Variants in MYPN observed in about 807,000 individuals in gnomAD.
MYPN encodes the protein sarcomeric protein myopalladin, 145 kDa (MYOP).
Under a neutral mutation model 129.4 loss-of-function variants are expected in MYPN, and 63 were observed. That is an observed-to-expected ratio of 0.49 (90% CI 0.40 to 0.60). The LOEUF (loss-of-function observed/expected upper bound fraction) is 0.60, where lower values mean the gene tolerates loss of function less well. MYPN is among the 20% of genes least tolerant of loss of function. The pLI, the probability that MYPN is intolerant of heterozygous loss-of-function variation, is 0.00. For missense variants in MYPN, 1,596 were observed against 1,635.4 expected (o/e 0.98, Z 0.42); for synonymous variants, 629 against 600.9 (o/e 1.05, Z -0.68).
At chr10:68,207,022 C>A in intron 19 of MYPN, 119 bp downstream of exon 19, 2 of 1,270,528 alleles carry the variant, frequency 1.6e-6, no homozygotes, top group Non-Finnish European at 2.2e-6. Flanking sequence ...CTTTGGGAGG[C>A]CGAGGCAGGC....
At chr10:68,096,926 T>C (rs2041959739) in intron 1 of MYPN, among the ~76,000 whole-genome samples, 1 of 152,224 alleles carries the variant, frequency 6.6e-6, no homozygotes, top group Non-Finnish European at 1.5e-5. Flanking sequence ...CGCTCAATTA[T>C]TATTTTCCTA....
At chr10:68,146,707 C>G (rs868482111) in intron 4 of MYPN, among the ~76,000 whole-genome samples, 1 of 152,294 alleles carries the variant, frequency 6.6e-6, no homozygotes. Flanking sequence ...ATGTTGCCCT[C>G]GTCTTCTTAG....
rs149308470 is a variant in MYPN at position 68,153,158 on chromosome 10, G to A, written c.1317+3047G>A. Among the ~76,000 whole-genome samples the A allele has an allele frequency of 1.3e-3, 191 of 151,776 alleles. 4 individuals are homozygous for A. The highest frequency in any genetic ancestry group is 6.9e-3 in the Admixed American group (105 of 15,246). On this transcript the variant is annotated intron_variant, in intron 6 of 19. Transcript: ENST00000358913. ...GCACCACCATGCCTGGCTAATTTTT[G>A]TGTTTTTAGTAGAGACGGGGTTTCA... is the stretch of plus-strand genomic sequence containing the variant.
chr10:68,099,068 T>C (rs941259743), intron 1 of MYPN, among the ~76,000 whole-genome samples: 2 of 152,208 alleles, frequency 1.3e-5, no homozygotes, highest in Non-Finnish European at 2.9e-5. Flanking sequence ...AAATAATCTA[T>C]AACCACCTTT....
In MYPN at chr10:68,136,615, C is replaced by T. The variant is rs1248255863; in HGVS notation, c.903-6325C>T. 3.3e-6 allele frequency: 5 copies of T among 1,525,528 alleles called. No homozygotes were observed. In the African/African-American group the frequency reaches 4.1e-5, roughly 13 times the overall value. 94.5% of individuals were successfully genotyped at this position (1,525,528 alleles called of 1,614,324 possible). A position where few individuals can be genotyped will look rare whatever the true frequency, so the allele number is the denominator to read the frequency against. On this transcript the variant is annotated intron_variant, in intron 2 of 19. Transcript: ENST00000358913. ...GTTTTTTTAGGCCTGCTGAGGCCAT[C>T]CTGGCCATCTGAGTAAGGACAAAAA...
At chr10:68,168,918 AG>A (rs2043095526) in intron 10 of MYPN, among the ~76,000 whole-genome samples, 1 of 148,514 alleles carries the variant, frequency 6.7e-6, no homozygotes, top group Non-Finnish European at 1.5e-5. Context: ...GCTTGAACCC[AG>A]GCACAGAGGT....
At chr10:68,142,899 C>G (rs2042599126) in intron 2 of MYPN, 41 bp from the exon 3 acceptor site, 2 of 1,585,714 alleles carry the variant, frequency 1.3e-6, no homozygotes, top group African/African-American at 2.7e-5. Context: ...TATTGTCTTG[C>G]ATTTGAGTCA....
intron 1 of MYPN, among the ~76,000 whole-genome samples, chr10:68,117,261 A>G (rs2042171601): frequency 6.7e-6 from 1 of 149,802 alleles, no homozygotes; most frequent in Non-Finnish European, 1.5e-5. Context: ...TAGTAGAGTT[A>G]GCAGAAAATT....
At chr10:68,154,659 A>T (rs997416883) in intron 6 of MYPN, among the ~76,000 whole-genome samples, 3 of 152,224 alleles carry the variant, frequency 2.0e-5, no homozygotes, top group Admixed American at 1.3e-4. Context: ...GCATCTTCCA[A>T]GGTGCAAAAT....
intron 16 of MYPN, among the ~76,000 whole-genome samples, chr10:68,197,770 C>T (rs1051165745): frequency 6.6e-6 from 1 of 152,034 alleles, no homozygotes; most frequent in African/African-American, 2.4e-5. Flanking sequence ...AGTAGTTCCC[C>T]CTTATCTGAG....
intron 12 of MYPN, among the ~76,000 whole-genome samples, chr10:68,178,667 C>G (rs1027710759): frequency 1.4e-5 from 2 of 145,094 alleles, no homozygotes; most frequent in Admixed American, 1.4e-4. Context: ...GAGCCGAGAT[C>G]ATGCCATTGA....
Position 68,194,143 on chromosome 10 carries a change from A to T in MYPN, c.2926-220A>T, listed in dbSNP as rs181236084. On this transcript the variant is annotated intron_variant, in intron 13 of 19. Coordinates refer to ENST00000358913, the MANE Select transcript of MYPN (RefSeq NM_032578.4). ...CTAAATTATATTGGATTCTTGACTT[A>T]AATAATATAATATTTAATATTAAAT... 6.6e-5 allele frequency among the ~76,000 whole-genome samples: 10 copies of T among 152,236 alleles called. No individual in the cohort carries two copies. The East Asian group carries it at 1.3e-3, about 21-fold the overall frequency.
chr10:68,123,933 C>A (rs2042289196), intron 2 of MYPN, among the ~76,000 whole-genome samples: 1 of 151,956 alleles, frequency 6.6e-6, no homozygotes, highest in African/African-American at 2.4e-5. Context: ...TGGGCTGAGG[C>A]TAAAGTCAAT....
rs965543130 is a variant in MYPN at position 68,122,288 on chromosome 10, A to G, written c.850A>G (p.Thr284Ala). The G allele has an allele frequency of 6.2e-7, 1 of 1,613,826 alleles. No individual in the cohort carries two copies. Among genetic ancestry groups the G allele is most frequent in the Non-Finnish European group, 8.5e-7 (1 of 1,179,944 alleles). The change falls in exon 2 of 20, where the codon ACT (threonine) becomes GCT (alanine). Residue 284 changes from threonine (T) to alanine (A), a missense_variant. Thr to Ala is a moderately conservative substitution (Grantham distance 58, BLOSUM62 0). Transcript: ENST00000358913. Reference sequence around the variant, plus strand: ...ACGGAGCAGAGAAGTTCCAGAAGGAACTCGAGTACAGTTGGATTGCATAGT... The same window carrying G: ...ACGGAGCAGAGAAGTTCCAGAAGGAGCTCGAGTACAGTTGGATTGCATAGT... ...KLRSREVPEGTRVQLDCIVVG... is the reference protein window; with the variant it reads ...KLRSREVPEGARVQLDCIVVG...
intron 13 of MYPN, among the ~76,000 whole-genome samples, chr10:68,190,090 G>A (rs1261637184): frequency 6.6e-6 from 1 of 151,926 alleles, no homozygotes; most frequent in African/African-American, 2.4e-5. Flanking sequence ...ATTTCTTGGG[G>A]TTTGATTTGC....
intron 12 of MYPN, among the ~76,000 whole-genome samples, chr10:68,182,225 ACATATATATATAACATATATATAAC>A (rs2043324789): frequency 1.2e-5 from 1 of 84,798 alleles, no homozygotes; most frequent in Non-Finnish European, 2.5e-5. Flanking sequence ...TATATATAAC[ACATATATATATAACATATATATAAC>A]ACACATATAT....
At chr10:68,116,206 A>G (rs1333710970) in intron 1 of MYPN, among the ~76,000 whole-genome samples, 2 of 152,196 alleles carry the variant, frequency 1.3e-5, no homozygotes, top group African/African-American at 2.4e-5. Flanking sequence ...AAGAGCACTT[A>G]TGATTTTTTT....
At chr10:68,130,920 T>C (rs539117069) in intron 2 of MYPN, among the ~76,000 whole-genome samples, 1 of 152,356 alleles carries the variant, frequency 6.6e-6, no homozygotes, top group South Asian at 2.1e-4. Flanking sequence ...TGTCAGCTCA[T>C]CATAAATTGA....
At chr10:68,119,004 T>TC (rs1364406360) in intron 1 of MYPN, among the ~76,000 whole-genome samples, 2 of 151,408 alleles carry the variant, frequency 1.3e-5, no homozygotes, top group African/African-American at 2.4e-5. Context: ...GCACTTAATT[T>TC]CCCCCCCATC....
Sources: allele counts gnomAD v4.1 joint callset (sites outside exome capture counted in the v4.1 genomes callset), GRCh38; gene constraint gnomAD v4.1.1; transcripts MANE v1.5; gene names NCBI Gene and HGNC (gene_info 2026-07-23, HGNC 2026-07-21).